The following CKAP5 variants were observed in gnomAD, a reference collection of about 807,000 sequenced individuals.
CKAP5 encodes the protein cytoskeleton-associated protein 5.
Under a neutral mutation model 232.8 loss-of-function variants are expected in CKAP5, and 27 were observed. The observed-to-expected ratio is 0.12, with a 90% CI of 0.09 to 0.16. The LOEUF (loss-of-function observed/expected upper bound fraction) is 0.16. Among genes scored for constraint, CKAP5 ranks in the 10% least tolerant of loss-of-function variants. CKAP5 has a pLI of 1.00. For missense variants in CKAP5, 1,838 were observed against 2,424.7 expected, an observed-to-expected ratio of 0.76 and a Z score of 5.08; for synonymous variants, 785 against 841.1, an observed-to-expected ratio of 0.93 and a Z score of 1.16.
At chr11:46,810,414 A>G (rs904409115) in intron 5 of CKAP5, among the ~76,000 whole-genome samples, 7 of 152,068 alleles carry the variant, frequency 4.6e-5, no homozygotes, top group Admixed American at 4.6e-4. Context: ...GGTTCAGGTG[A>G]TCCTCCCACC....
chr11:46,755,305 C>T (rs186146272), intron 35 of CKAP5, among the ~76,000 whole-genome samples: 2 of 152,262 alleles, frequency 1.3e-5, no homozygotes, highest in Non-Finnish European at 2.9e-5. Flanking sequence ...CCTCCACCTT[C>T]CGGTTTCAAG....
intron 15 of CKAP5, among the ~76,000 whole-genome samples, chr11:46,789,627 T>C (rs1938650435): frequency 6.6e-6 from 1 of 151,748 alleles, no homozygotes; most frequent in South Asian, 2.1e-4. Context: ...AAACCCCATC[T>C]CTACTAAAAA....
chr11:46,827,565 T>A (rs1160151468), intron 1 of CKAP5, among the ~76,000 whole-genome samples: 3 of 152,108 alleles, frequency 2.0e-5, no homozygotes, highest in Non-Finnish European at 4.4e-5. Flanking sequence ...TAGGCTGCAG[T>A]GAGCCAGACT....
chr11:46,769,728 C>A (rs1475170462), intron 26 of CKAP5, among the ~76,000 whole-genome samples: 2 of 151,596 alleles, frequency 1.3e-5, no homozygotes, highest in African/African-American at 4.8e-5. Flanking sequence ...ACAAAAAAAA[C>A]TTTTTAGAAT....
At chr11:46,824,923 C>T (rs1939619361) in intron 1 of CKAP5, among the ~76,000 whole-genome samples, 1 of 152,126 alleles carries the variant, frequency 6.6e-6, no homozygotes, top group Non-Finnish European at 1.5e-5. Flanking sequence ...CTAGTAAAGA[C>T]ACATATTCAG....
At chr11:46,799,889 T>A (rs1351907113) in intron 9 of CKAP5, among the ~76,000 whole-genome samples, 1 of 151,936 alleles carries the variant, frequency 6.6e-6, no homozygotes, top group Non-Finnish European at 1.5e-5. Context: ...AAGTCCCAGC[T>A]ACTCAGGAGA....
At chr11:46,826,462 T>TC (rs1939654230) in intron 1 of CKAP5, among the ~76,000 whole-genome samples, 1 of 151,962 alleles carries the variant, frequency 6.6e-6, no homozygotes, top group Non-Finnish European at 1.5e-5. Context: ...CCCATTCAGC[T>TC]CAAATGGGTT....
chr11:46,772,065 C>T (rs1447759330), intron 24 of CKAP5, among the ~76,000 whole-genome samples: 4 of 144,868 alleles, frequency 2.8e-5, no homozygotes, highest in Non-Finnish European at 6.0e-5. Context: ...TTAAGTCTTG[C>T]TCTTGTCACC....
intron 5 of CKAP5, among the ~76,000 whole-genome samples, chr11:46,810,456 G>A (rs1306301838): frequency 1.3e-5 from 2 of 152,036 alleles, no homozygotes; most frequent in Non-Finnish European, 2.9e-5. Flanking sequence ...ACTACAGGCT[G>A]TGCTACCATG....
intron 27 of CKAP5, 108 bp from the exon 28 acceptor site, chr11:46,765,364 C>T (rs1027784352): frequency 2.1e-5 from 20 of 945,368 alleles, no homozygotes; most frequent in Admixed American, 8.8e-5. Context: ...TATCTTTCTA[C>T]GTGATATTTC....
Position 46,783,371 on chromosome 11 carries a change from G to A in CKAP5, c.2155-3C>T, listed in dbSNP as rs777874046. 4 of 1,576,810 alleles carry A rather than the reference G, an allele frequency of 2.5e-6. No individual in the cohort carries two copies. The highest frequency in any genetic ancestry group is 1.4e-5 in the African/African-American group (1 of 74,020). On this transcript the variant is annotated splice_region_variant and splice_polypyrimidine_tract_variant and intron_variant, in intron 17 of 43. Transcript: ENST00000529230. ...TGTGAGAAAGCCATTGACACAACCT[G>A]AAAAGGGAAAAACAGCAGATCTGTG...
chr11:46,817,344 G>A (rs920635183), intron 3 of CKAP5, among the ~76,000 whole-genome samples: 8 of 152,082 alleles, frequency 5.3e-5, no homozygotes, highest in African/African-American at 9.7e-5. Context: ...CAGAGGGAAC[G>A]GATATGTACC....
chr11:46,815,619 A>G (rs957389538), intron 4 of CKAP5, among the ~76,000 whole-genome samples: 2 of 152,232 alleles, frequency 1.3e-5, no homozygotes, highest in African/African-American at 2.4e-5. Context: ...TCTTAATCTG[A>G]TAACAGGTCA....
rs2065004675 is a variant in CKAP5, at chr11:46,744,073, T to C, written c.6049A>G (p.Ile2017Val). 1.9e-6 allele frequency: 3 copies of C among 1,613,888 alleles called. No individual in the cohort carries two copies. The highest frequency in any genetic ancestry group is 1.1e-5 in the South Asian group (1 of 91,058). Residue 2017 changes from isoleucine (I) to valine (V), a missense_variant, in exon 44 of 44, where the codon ATA becomes GTA. Physicochemically the swap from Ile to Val is conservative, Grantham distance 29. This residue lies in a region of CKAP5 where 62 missense variants were observed against 61.1 expected (regional missense o/e 1.01). Coordinates refer to ENST00000529230, the MANE Select transcript of CKAP5 (RefSeq NM_001008938.4). The stretch of plus-strand genomic sequence containing the variant: ...TCCAGTCTTTTTTTCAAGTCGTCTA[T>C]GTTAGCTGTGGAGGAGGAGGAGGTC... ...TVTSSSSTANIDDLKKRLERI... is the reference protein window; with the variant it reads ...TVTSSSSTANVDDLKKRLERI...
chr11:46,759,430 G>T lies in CKAP5; in HGVS notation c.4407C>A (p.Ser1469Arg), dbSNP rs768043686. 9.3e-6 allele frequency: 15 copies of T among 1,612,984 alleles called. No homozygotes were observed. Among genetic ancestry groups the T allele is most frequent in the Admixed American group, 1.7e-5 (1 of 59,750 alleles). Reference sequence around the variant, plus strand: ...GGGCTGCCTCAGGATGCCCACTCATGCTTCGGGCTTGGCTAAGGGAAGCAA... The same window carrying T: ...GGGCTGCCTCAGGATGCCCACTCATTCTTCGGGCTTGGCTAAGGGAAGCAA... The part of the protein sequence containing the change: ...DMSSKLNQAR[S>R]MSGHPEAAQM... Residue 1469 changes from serine (S) to arginine (R), a missense_variant, in exon 34 of 44, where the codon AGC becomes AGA. Ser to Arg is a moderately radical substitution (Grantham distance 110). Coordinates refer to ENST00000529230, the MANE Select transcript of CKAP5 (RefSeq NM_001008938.4).
At chr11:46,839,091 TAGAC>T (rs1939988199) in intron 1 of CKAP5, among the ~76,000 whole-genome samples, 1 of 151,952 alleles carries the variant, frequency 6.6e-6, no homozygotes, top group Non-Finnish European at 1.5e-5. Flanking sequence ...TAACAATATA[TAGAC>T]AAACAATAAA....
At chr11:46,763,399 C>T (rs2065173098) in intron 29 of CKAP5, 82 bp downstream of exon 29, 2 of 1,288,996 alleles carry the variant, frequency 1.6e-6, no homozygotes, top group Non-Finnish European at 2.1e-6. Context: ...ACTTCCAAGT[C>T]ATGCAAACTT....
chr11:46,804,195 AATC>A (rs1939100789), intron 8 of CKAP5, among the ~76,000 whole-genome samples: 1 of 152,218 alleles, frequency 6.6e-6, no homozygotes. Context: ...AGATACTGCG[AATC>A]TGTTAAATTT....
intron 27 of CKAP5, among the ~76,000 whole-genome samples, chr11:46,765,708 G>A (rs539077990): frequency 6.3e-5 from 9 of 143,256 alleles, no homozygotes; most frequent in African/African-American, 2.3e-4. Context: ...AGGTTCAAGT[G>A]ATTCTCCTGA....
Sources: allele counts gnomAD v4.1 joint callset (sites outside exome capture counted in the v4.1 genomes callset), GRCh38; gene constraint gnomAD v4.1.1; regional missense constraint gnomAD v4.1.1; transcripts MANE v1.5; gene names NCBI Gene and HGNC (gene_info 2026-07-23, HGNC 2026-07-21).